GCLC: variants seen among roughly 807,000 people sequenced by gnomAD.
GCLC encodes the protein glutamate--cysteine ligase catalytic subunit.
Under a neutral mutation model 81.5 loss-of-function variants are expected in GCLC, and 30 were observed. The observed-to-expected ratio is 0.37, with a 90% confidence interval of 0.28 to 0.50. GCLC has a LOEUF of 0.50. Among genes scored for constraint, GCLC ranks in the 20% least tolerant of loss-of-function variants. The pLI is 0.96. For synonymous variants in GCLC, 262 were observed against 273.3 expected, an observed-to-expected ratio of 0.96 and a Z score of 0.41; for missense variants, 556 against 777.4, an observed-to-expected ratio of 0.72 and a Z score of 3.39.
chr6:53,511,203 G>T (rs911973826), intron 6 of GCLC, among the ~76,000 whole-genome samples: 1 of 79,786 alleles, frequency 1.3e-5, no homozygotes, highest in African/African-American at 8.5e-5. Context: ...AAAAAAAGTG[G>T]GGGGGGGGTG....
intron 1 of GCLC, among the ~76,000 whole-genome samples, chr6:53,532,169 A>G (rs1763182212): frequency 6.6e-6 from 1 of 152,248 alleles, no homozygotes; most frequent in East Asian, 1.9e-4. Flanking sequence ...TTCACTTTTT[A>G]TTAGGGCTTC....
At chr6:53,517,819 C>T (rs1020609463) in intron 3 of GCLC, among the ~76,000 whole-genome samples, 1 of 152,198 alleles carries the variant, frequency 6.6e-6, no homozygotes, top group African/African-American at 2.4e-5. Context: ...GTGGTAGTCA[C>T]TAACCACGTG....
chr6:53,500,001 C>T (rs1267849353), intron 15 of GCLC, 44 bp downstream of exon 15: 3 of 1,370,586 alleles, frequency 2.2e-6, no homozygotes, highest in African/African-American at 1.4e-5. Flanking sequence ...TAAGATTATA[C>T]CATGCTGTCT....
intron 1 of GCLC, among the ~76,000 whole-genome samples, chr6:53,527,846 C>T (rs180793932): frequency 2.0e-4 from 30 of 152,288 alleles, no homozygotes; most frequent in African/African-American, 6.3e-4. Context: ...CATAGGATCC[C>T]GTCCCCCAGG....
intron 1 of GCLC, 117 bp downstream of exon 1, chr6:53,544,379 C>G (rs1305792022): frequency 1.9e-6 from 2 of 1,070,022 alleles, no homozygotes; most frequent in East Asian, 5.1e-5. Context: ...GCTCGAGGAC[C>G]CCCGGGCGCA....
At chr6:53,536,592 C>T (rs148588469) in intron 1 of GCLC, among the ~76,000 whole-genome samples, 2,178 of 152,194 alleles carry the variant, frequency 0.014, 25 homozygotes, top group Middle Eastern at 0.086. Context: ...GCTTCATATA[C>T]AGTTTTCTAA....
intron 15 of GCLC, among the ~76,000 whole-genome samples, chr6:53,499,332 C>T (rs1764456114): frequency 6.6e-6 from 1 of 152,184 alleles, no homozygotes; most frequent in Non-Finnish European, 1.5e-5. Context: ...TGTCATGAGA[C>T]TGCCTCAGAG....
chr6:53,502,192 G>A (rs1764526365), intron 12 of GCLC, among the ~76,000 whole-genome samples: 1 of 152,160 alleles, frequency 6.6e-6, no homozygotes, highest in Non-Finnish European at 1.5e-5. Flanking sequence ...TATGAGATAC[G>A]TAATATACGC....
chr6:53,520,775 A>C lies in GCLC; in HGVS notation c.446+3T>G, dbSNP rs1762978589. The C allele has an allele frequency of 6.2e-7, 1 of 1,612,558 alleles. No homozygotes were observed. The highest frequency in any genetic ancestry group is 8.5e-7 in the Non-Finnish European group (1 of 1,178,516). On this transcript the variant is annotated splice_donor_region_variant and intron_variant, in intron 3 of 15. Transcript: ENST00000650454. ...GCTGGGGCATGTTAATATAGGAACT[A>C]ACCTGGGAAATGAAGTTATTGTGCA...
At chr6:53,542,825 A>G (rs1763382461) in intron 1 of GCLC, among the ~76,000 whole-genome samples, 1 of 152,064 alleles carries the variant, frequency 6.6e-6, no homozygotes, top group African/African-American at 2.4e-5. Flanking sequence ...CCTGACCAAC[A>G]TGGTGAAACC....
At chr6:53,523,663 T>A (rs1487853576) in intron 1 of GCLC, among the ~76,000 whole-genome samples, 3 of 152,216 alleles carry the variant, frequency 2.0e-5, no homozygotes, top group African/African-American at 7.2e-5. Flanking sequence ...GGGTGCACAC[T>A]GTCTGCAGTT....
chr6:53,531,358 C>A (rs757286186), intron 1 of GCLC, among the ~76,000 whole-genome samples: 17 of 152,164 alleles, frequency 1.1e-4, no homozygotes, highest in Non-Finnish European at 1.8e-4. Flanking sequence ...TGTTGTTTCA[C>A]AGAGCGCTTG....
chr6:53,499,656 G>A (rs1336863052), intron 15 of GCLC, among the ~76,000 whole-genome samples: 1 of 152,128 alleles, frequency 6.6e-6, no homozygotes, highest in African/African-American at 2.4e-5. Flanking sequence ...ATTCTCAGGA[G>A]CCTCACTGTA....
chr6:53,539,216 G>A (rs1763310717), intron 1 of GCLC, among the ~76,000 whole-genome samples: 1 of 152,196 alleles, frequency 6.6e-6, no homozygotes, highest in Non-Finnish European at 1.5e-5. Context: ...GCAGGCAACA[G>A]GGCACCCAGG....
chr6:53,521,354 C>T (rs17882473), intron 2 of GCLC, among the ~76,000 whole-genome samples: 1,947 of 152,016 alleles, frequency 0.013, 33 homozygotes, highest in African/African-American at 0.042. Context: ...GGGGTTTCAC[C>T]GTGTTAGCCA....
At chr6:53,512,617 AT>A (rs1055522781) in intron 6 of GCLC, among the ~76,000 whole-genome samples, 2 of 152,014 alleles carry the variant, frequency 1.3e-5, no homozygotes, top group African/African-American at 2.4e-5. Flanking sequence ...TGAGCTAACG[AT>A]TTTTTTTAAG....
intron 1 of GCLC, among the ~76,000 whole-genome samples, chr6:53,539,705 C>CATCCAAA (rs1763320080): frequency 6.6e-6 from 1 of 152,162 alleles, no homozygotes; most frequent in African/African-American, 2.4e-5. Context: ...CAACATATCA[C>CATCCAAA]ATCCAAAACA....
At chr6:53,519,715 T>C (rs989428398) in intron 3 of GCLC, among the ~76,000 whole-genome samples, 6 of 152,132 alleles carry the variant, frequency 3.9e-5, no homozygotes, top group African/African-American at 1.2e-4. Flanking sequence ...AACAAATCTG[T>C]CCACCCTCAC....
At chr6:53,537,758 C>A (rs1463423732) in intron 1 of GCLC, among the ~76,000 whole-genome samples, 1 of 151,826 alleles carries the variant, frequency 6.6e-6, no homozygotes, top group South Asian at 2.1e-4. Context: ...CCAAAAAACC[C>A]TACATATGTG....
Sources: allele counts gnomAD v4.1 joint callset (sites outside exome capture counted in the v4.1 genomes callset), GRCh38; gene constraint gnomAD v4.1.1; transcripts MANE v1.5; gene names NCBI Gene and HGNC (gene_info 2026-07-23, HGNC 2026-07-21).